DACH1: variants seen among roughly 807,000 people sequenced by gnomAD.
The protein encoded by DACH1 is dachshund family transcription factor 1.
DACH1 carries 12 observed loss-of-function variants against 54.2 expected under a neutral mutation model. The observed-to-expected ratio is 0.22, with a 90% CI of 0.14 to 0.36. DACH1 has a LOEUF of 0.36. DACH1 is among the 10% of genes least tolerant of loss of function. The pLI is 1.00. For synonymous variants in DACH1, 386 were observed against 366.2 expected, an observed-to-expected ratio of 1.05 and a Z score of -0.62; for missense variants, 805 against 929.8, an observed-to-expected ratio of 0.87 and a Z score of 1.75.
In DACH1 at chr13:71,779,196, CGT is replaced by C. The variant is rs1491530693; in HGVS notation, c.848+86724_848+86725del. On this transcript the variant is annotated intron_variant, in intron 1 of 10. Coordinates refer to ENST00000613252, the MANE Select transcript of DACH1 (RefSeq NM_080759.6). ...ATATATACACATATATACGTATATACGTATATATGTGTATATATATACGTATA... is the reference window on the plus strand; with the variant it reads ...ATATATACACATATATACGTATATACATATATGTGTATATATATACGTATA... Among the ~76,000 whole-genome samples, 35 of 117,710 alleles carry C rather than the reference CGT, an allele frequency of 3.0e-4. 1 individual carries two copies. The highest frequency in any genetic ancestry group is 4.6e-4 in the Non-Finnish European group (27 of 58,080). The allele number at this position is 117,710 out of a possible 152,430, so 77.2% of individuals were successfully genotyped here.
chr13:71,621,251 G>T (rs2138543002), intron 3 of DACH1, among the ~76,000 whole-genome samples: 1 of 152,090 alleles, frequency 6.6e-6, no homozygotes, highest in Non-Finnish European at 1.5e-5. Flanking sequence ...CAGGAATGGT[G>T]ATTCAATCCT....
chr13:71,466,431 A>G (rs1055859480), intron 10 of DACH1, among the ~76,000 whole-genome samples: 3 of 152,158 alleles, frequency 2.0e-5, no homozygotes, highest in African/African-American at 4.8e-5. Context: ...CACGATGTCT[A>G]CTTCCCCTCT....
intron 1 of DACH1, among the ~76,000 whole-genome samples, chr13:71,728,814 C>G (rs1437933077): frequency 6.6e-6 from 1 of 151,864 alleles, no homozygotes; most frequent in Non-Finnish European, 1.5e-5. Flanking sequence ...TTTATTCTAT[C>G]CAAGTAATGT....
At chr13:71,726,970 C>A (rs1264313753) in intron 1 of DACH1, among the ~76,000 whole-genome samples, 5 of 151,682 alleles carry the variant, frequency 3.3e-5, no homozygotes, top group African/African-American at 9.7e-5. Flanking sequence ...TGTTAAAGAC[C>A]AATCAATTGA....
chr13:71,761,803 TC>T (rs1203614492), intron 1 of DACH1, among the ~76,000 whole-genome samples: 3 of 152,144 alleles, frequency 2.0e-5, no homozygotes, highest in African/African-American at 7.2e-5. Context: ...TATAATAAAA[TC>T]AGGAGTAGGG....
chr13:71,600,902 T>C (rs1353126256), intron 3 of DACH1, among the ~76,000 whole-genome samples: 2 of 151,952 alleles, frequency 1.3e-5, no homozygotes, highest in Non-Finnish European at 2.9e-5. Context: ...CCCTCACCCT[T>C]AGAGATTATA....
At chr13:71,655,798 T>C (rs1196897137) in intron 2 of DACH1, among the ~76,000 whole-genome samples, 1 of 152,216 alleles carries the variant, frequency 6.6e-6, no homozygotes, top group Non-Finnish European at 1.5e-5. Flanking sequence ...TTTTCCCATC[T>C]TTCTTTTTCA....
chr13:71,808,285 G>T (rs1052801763), intron 1 of DACH1, among the ~76,000 whole-genome samples: 2 of 152,066 alleles, frequency 1.3e-5, no homozygotes, highest in Non-Finnish European at 2.9e-5. Flanking sequence ...GTCTCCATGA[G>T]ATTTTTTTGT....
chr13:71,584,921 T>C (rs1241171714), intron 3 of DACH1, among the ~76,000 whole-genome samples: 1 of 151,992 alleles, frequency 6.6e-6, no homozygotes, highest in South Asian at 2.1e-4. Context: ...AATTTAAATA[T>C]ATATATATAT....
chr13:71,588,535 T>C (rs899975851), intron 3 of DACH1, among the ~76,000 whole-genome samples: 2 of 152,104 alleles, frequency 1.3e-5, no homozygotes, highest in African/African-American at 4.8e-5. Context: ...AATGCAAATC[T>C]ACCTAAAGCA....
intron 6 of DACH1, among the ~76,000 whole-genome samples, chr13:71,541,558 C>T (rs1255875791): frequency 2.0e-5 from 3 of 152,100 alleles, no homozygotes; most frequent in East Asian, 1.9e-4. Context: ...ACTGGACTTG[C>T]GATTTGTATA....
intron 1 of DACH1, among the ~76,000 whole-genome samples, chr13:71,687,829 G>A (rs555966925): frequency 2.4e-4 from 36 of 152,134 alleles, no homozygotes; most frequent in African/African-American, 8.0e-4. Context: ...GGCTGGTCTC[G>A]AATTCCTGGG....
chr13:71,724,802 A>G (rs186370303), intron 1 of DACH1, among the ~76,000 whole-genome samples: 7 of 152,236 alleles, frequency 4.6e-5, no homozygotes, highest in African/African-American at 1.7e-4. Context: ...TTAAGCTCCA[A>G]TTAGCTCCAT....
chr13:71,688,292 G>T (rs1307565358), intron 1 of DACH1, among the ~76,000 whole-genome samples: 2 of 152,194 alleles, frequency 1.3e-5, no homozygotes, highest in Non-Finnish European at 2.9e-5. Flanking sequence ...GGCTGATTTG[G>T]AATCCTCAGT....
At chr13:71,708,081 A>G (rs1468633770) in intron 1 of DACH1, among the ~76,000 whole-genome samples, 1 of 152,050 alleles carries the variant, frequency 6.6e-6, no homozygotes, top group African/African-American at 2.4e-5. Flanking sequence ...TATAGCAAAA[A>G]ACAAACAAAC....
In DACH1 at chr13:71,557,025, T is replaced by A; in HGVS notation, c.1569A>T (p.Lys523Asn). ...AAGGAATATATAATCATACATTACCTTTTTCAATATGCATCCTTTTTGACT... is the reference window on the plus strand; with the variant it reads ...AAGGAATATATAATCATACATTACCATTTTCAATATGCATCCTTTTTGACT... Reference protein sequence around the residue: ...GHESKRMHIEKDETPLSTPTA... With the variant: ...GHESKRMHIENDETPLSTPTA... Residue 523 changes from lysine (K) to asparagine (N), a missense_variant and splice_region_variant, in exon 6 of 11, where the codon AAA becomes AAT. Physicochemically the swap from Lys to Asn is moderately conservative, Grantham distance 94 (BLOSUM62 0). This residue lies in a region of DACH1 where 472 missense variants were observed against 545.3 expected (regional missense o/e 0.87). Transcript: ENST00000613252. The A allele has an allele frequency of 8.8e-6, 14 of 1,595,968 alleles. No individual in the cohort carries two copies. Among genetic ancestry groups the A allele is most frequent in the Non-Finnish European group, 1.2e-5 (14 of 1,173,248 alleles).
intron 2 of DACH1, among the ~76,000 whole-genome samples, chr13:71,669,728 G>C (rs1880098244): frequency 6.6e-6 from 1 of 152,114 alleles, no homozygotes; most frequent in African/African-American, 2.4e-5. Context: ...GATAAAGTAG[G>C]TATTTCAGAA....
At chr13:71,665,079 G>T (rs1308353086) in intron 2 of DACH1, among the ~76,000 whole-genome samples, 2 of 151,932 alleles carry the variant, frequency 1.3e-5, no homozygotes, top group Admixed American at 6.6e-5. Flanking sequence ...CAATTATTTA[G>T]GGTAAAGTAG....
intron 6 of DACH1, among the ~76,000 whole-genome samples, chr13:71,514,451 A>G (rs773042816): frequency 6.6e-6 from 1 of 151,884 alleles, no homozygotes; most frequent in Non-Finnish European, 1.5e-5. Context: ...ATATTTCTGC[A>G]TCTTCTGCTA....
Sources: allele counts gnomAD v4.1 joint callset (sites outside exome capture counted in the v4.1 genomes callset), GRCh38; gene constraint gnomAD v4.1.1; regional missense constraint gnomAD v4.1.1; transcripts MANE v1.5; gene names NCBI Gene and HGNC (gene_info 2026-07-23, HGNC 2026-07-21).